The following VAV3 variants were observed in gnomAD, a reference collection of about 807,000 sequenced individuals.
The protein encoded by VAV3 is guanine nucleotide exchange factor VAV3.
In VAV3, 94 loss-of-function variants were observed where a neutral mutation model predicts 131.2. The ratio of observed to expected loss-of-function variants is 0.72; its 90% CI spans 0.61 to 0.85. The LOEUF is 0.85. Ranked by LOEUF, VAV3 falls within the 40% of genes least tolerant of loss-of-function variation. The pLI is 0.00. For missense variants in VAV3, 939 were observed against 1,002.7 expected (o/e 0.94, Z 0.86); for synonymous variants, 349 against 342.0 (o/e 1.02, Z -0.22).
At chr1:107,830,467 A>G (rs924617743) in intron 2 of VAV3, among the ~76,000 whole-genome samples, 1 of 152,130 alleles carries the variant, frequency 6.6e-6, no homozygotes, top group African/African-American at 2.4e-5. Context: ...GTGGGGGAGA[A>G]CAATTGCTCT....
At chr1:107,956,428 A>G (rs1199113301) in intron 1 of VAV3, among the ~76,000 whole-genome samples, 1 of 152,166 alleles carries the variant, frequency 6.6e-6, no homozygotes, top group Non-Finnish European at 1.5e-5. Flanking sequence ...TTTCACAGCT[A>G]TTAATGTTTA....
chr1:107,804,622 T>A (rs1666976220), intron 2 of VAV3, among the ~76,000 whole-genome samples: 1 of 152,216 alleles, frequency 6.6e-6, no homozygotes, highest in Non-Finnish European at 1.5e-5. Context: ...TAGCTATTAT[T>A]CTTTTTGATA....
intron 17 of VAV3, among the ~76,000 whole-genome samples, chr1:107,694,836 A>G (rs1659650335): frequency 6.6e-6 from 1 of 152,176 alleles, no homozygotes; most frequent in Non-Finnish European, 1.5e-5. Flanking sequence ...TATGGTTCCT[A>G]TCATTGAGAG....
At chr1:107,871,966 T>C (rs1232842308) in intron 2 of VAV3, among the ~76,000 whole-genome samples, 1 of 152,202 alleles carries the variant, frequency 6.6e-6, no homozygotes, top group Non-Finnish European at 1.5e-5. Context: ...AAATCTTTCC[T>C]TTCTTTCTAA....
chr1:107,837,903 A>T (rs1668544552), intron 2 of VAV3, among the ~76,000 whole-genome samples: 1 of 152,202 alleles, frequency 6.6e-6, no homozygotes, highest in Admixed American at 6.5e-5. Context: ...TGGATTGAAG[A>T]CTTAAATGTA....
chr1:107,788,205 G>GGTT (rs1666117942), intron 2 of VAV3, among the ~76,000 whole-genome samples: 1 of 151,980 alleles, frequency 6.6e-6, no homozygotes, highest in Non-Finnish European at 1.5e-5. Flanking sequence ...CTACCATAGA[G>GGTT]GTTGTATGAC....
chr1:107,952,485 T>TATATATACAC (rs1317970944), intron 1 of VAV3, among the ~76,000 whole-genome samples: 3,701 of 94,376 alleles, frequency 0.039, 311 homozygotes, highest in African/African-American at 0.11. Flanking sequence ...TATATATATA[T>TATATATACAC]ACACACATAA....
intron 1 of VAV3, among the ~76,000 whole-genome samples, chr1:107,924,473 T>C (rs1458908596): frequency 6.6e-6 from 1 of 151,308 alleles, no homozygotes; most frequent in East Asian, 1.9e-4. Flanking sequence ...TTTAATGACA[T>C]AGAAGTGGCC....
At chr1:107,710,381 G>C (rs1362170872) in intron 15 of VAV3, among the ~76,000 whole-genome samples, 1 of 152,164 alleles carries the variant, frequency 6.6e-6, no homozygotes, top group Non-Finnish European at 1.5e-5. Context: ...ACACCTGTCT[G>C]AATGCAACAG....
chr1:107,688,324 T>C (rs1488169659), intron 18 of VAV3, 57 bp downstream of exon 18: 6 of 1,586,068 alleles, frequency 3.8e-6, no homozygotes, highest in Non-Finnish European at 4.3e-6. Flanking sequence ...CCTGGTTAAG[T>C]TAGCAAACAA....
intron 20 of VAV3, among the ~76,000 whole-genome samples, chr1:107,637,736 C>T (rs557298085): frequency 3.3e-5 from 5 of 152,264 alleles, no homozygotes; most frequent in South Asian, 4.1e-4. Context: ...AGAAATAATG[C>T]TAATTCTATA....
At chr1:107,723,208 C>T (rs1486838367) in intron 15 of VAV3, among the ~76,000 whole-genome samples, 1 of 152,056 alleles carries the variant, frequency 6.6e-6, no homozygotes, top group Non-Finnish European at 1.5e-5. Flanking sequence ...AAGAGCAAAA[C>T]AACAGTAACA....
chr1:107,933,274 G>GT (rs1451006330), intron 1 of VAV3, among the ~76,000 whole-genome samples: 1 of 149,328 alleles, frequency 6.7e-6, no homozygotes, highest in African/African-American at 2.5e-5. Flanking sequence ...TGGTGTGGTG[G>GT]TTTTTTTGTG....
At chr1:107,935,862 A>G (rs142935195) in intron 1 of VAV3, among the ~76,000 whole-genome samples, 11 of 152,212 alleles carry the variant, frequency 7.2e-5, no homozygotes, top group Non-Finnish European at 1.5e-4. Flanking sequence ...AAACCATGGT[A>G]TATCAGGTGA....
rs1288899147 is a variant in VAV3, at chr1:107,575,014, C to T, written c.2351-816G>A. Reference sequence around the variant, plus strand: ...GTGTGCGTGCGTGCGCGCGCGCGCGCGCACACGCGCGCGTGTTTAATATTC... The same window carrying T: ...GTGTGCGTGCGTGCGCGCGCGCGCGTGCACACGCGCGCGTGTTTAATATTC... On this transcript the variant is annotated intron_variant, in intron 25 of 26. Coordinates refer to ENST00000370056, the MANE Select transcript of VAV3 (RefSeq NM_006113.5). 6.1e-3 allele frequency among the ~76,000 whole-genome samples: 426 copies of T among 69,576 alleles called. 6 individuals are homozygous for T. The highest frequency in any genetic ancestry group is 0.018 in the African/African-American group (354 of 20,064). 45.6% of individuals were successfully genotyped at this position (69,576 alleles called of 152,430 possible). A position where few individuals can be genotyped will look rare whatever the true frequency, so the allele number is the denominator to read the frequency against.
chr1:107,680,161 T>C (rs1001676614), intron 19 of VAV3, among the ~76,000 whole-genome samples: 91 of 152,254 alleles, frequency 6.0e-4, no homozygotes, highest in African/African-American at 2.1e-3. Flanking sequence ...CCCCACAATA[T>C]ATGTTTTCAA....
intron 25 of VAV3, among the ~76,000 whole-genome samples, chr1:107,591,231 C>G (rs1650926612): frequency 6.6e-6 from 1 of 152,114 alleles, no homozygotes; most frequent in African/African-American, 2.4e-5. Context: ...TGGCCCTGCT[C>G]CCATTTCCTT....
chr1:107,723,868 C>T (rs888857304), intron 15 of VAV3, among the ~76,000 whole-genome samples: 2 of 152,100 alleles, frequency 1.3e-5, no homozygotes, highest in African/African-American at 4.8e-5. Context: ...AGACTTAATA[C>T]ACATAAAGTG....
chr1:107,693,445 G>A (rs547949314), intron 17 of VAV3, among the ~76,000 whole-genome samples: 13 of 151,980 alleles, frequency 8.6e-5, no homozygotes, highest in Admixed American at 6.6e-5. Flanking sequence ...TACAAATGAG[G>A]TGCTTCATTC....
Sources: allele counts gnomAD v4.1 joint callset (sites outside exome capture counted in the v4.1 genomes callset), GRCh38; gene constraint gnomAD v4.1.1; transcripts MANE v1.5; gene names NCBI Gene and HGNC (gene_info 2026-07-23, HGNC 2026-07-21).